CDC42SE2: variants seen among roughly 807,000 people sequenced by gnomAD.
The protein encoded by CDC42SE2 is CDC42 small effector 2, also known as CDC42 small effector protein 2.
A neutral mutation model predicts 11.5 loss-of-function variants in CDC42SE2; 3 were observed. The observed-to-expected ratio is 0.26, with a 90% CI of 0.12 to 0.67. The LOEUF (loss-of-function observed/expected upper bound fraction) is 0.67, where lower values mean the gene tolerates loss of function less well. Among genes scored for constraint, CDC42SE2 ranks in the 30% least tolerant of loss-of-function variants. The probability of loss-of-function intolerance (pLI) is 0.80; values close to 1 mark genes in which losing one functional copy is unlikely to be tolerated. For missense variants in CDC42SE2, 82 were observed against 106.8 expected (o/e 0.77, Z 1.02); for synonymous variants, 33 against 34.8 (o/e 0.95, Z 0.18).
chr5:131,334,207 ATC>A (rs1323038918), intron 2 of CDC42SE2, among the ~76,000 whole-genome samples: 1 of 152,200 alleles, frequency 6.6e-6, no homozygotes, highest in Non-Finnish European at 1.5e-5. Flanking sequence ...TCTTTTCTGC[ATC>A]TGTTGAGATA....
At chr5:131,334,608 G>A (rs1324033018) in intron 2 of CDC42SE2, among the ~76,000 whole-genome samples, 1 of 152,070 alleles carries the variant, frequency 6.6e-6, no homozygotes, top group Non-Finnish European at 1.5e-5. Flanking sequence ...ACTTTTTTTG[G>A]TTGGTAGGCT....
chr5:131,290,447 A>G (rs1432682353), intron 1 of CDC42SE2, among the ~76,000 whole-genome samples: 1 of 147,412 alleles, frequency 6.8e-6, no homozygotes, highest in Non-Finnish European at 1.5e-5. Flanking sequence ...GAGAAACTGT[A>G]TAACTGGCTG....
chr5:131,345,076 A>G (rs1758806541), intron 2 of CDC42SE2, among the ~76,000 whole-genome samples: 1 of 152,236 alleles, frequency 6.6e-6, no homozygotes. Context: ...GAAAATTCTA[A>G]AAATCAGAGC....
chr5:131,358,387 T>C (rs953307728), intron 2 of CDC42SE2, among the ~76,000 whole-genome samples: 2 of 152,152 alleles, frequency 1.3e-5, no homozygotes, highest in Non-Finnish European at 2.9e-5. Flanking sequence ...TTCCCACTTC[T>C]CTTTTGCCGC....
At chr5:131,345,191 A>G (rs1230838195) in intron 2 of CDC42SE2, among the ~76,000 whole-genome samples, 1 of 151,390 alleles carries the variant, frequency 6.6e-6, no homozygotes, top group African/African-American at 2.4e-5. Context: ...GATGATCGGT[A>G]ATAATAAACT....
chr5:131,289,354 G>A (rs1304571212), intron 1 of CDC42SE2, among the ~76,000 whole-genome samples: 1 of 152,176 alleles, frequency 6.6e-6, no homozygotes. Context: ...AAGACAGGTT[G>A]ATAAAGCAAG....
rs1401467609 is a variant in CDC42SE2, at chr5:131,393,898, G to GGACTT, written c.*2809_*2813dup. ...CAGATCTCCATGGTAAGCCAAAAGT[G>GGACTT]GACTTGTCAGCCTATAACTACTCTG... is the stretch of plus-strand genomic sequence containing the variant. On this transcript the variant is annotated 3_prime_UTR_variant, in exon 5 of 5. Transcript: ENST00000505065. The GGACTT allele has an allele frequency of 7.2e-6, 1 of 138,666 alleles. No individual in the cohort carries two copies. The highest frequency in any genetic ancestry group is 1.5e-5 in the Non-Finnish European group (1 of 66,240). The allele number at this position is 138,666 out of a possible 1,614,324, so 8.6% of individuals were successfully genotyped here.
At chr5:131,333,285 C>T (rs542905637) in intron 2 of CDC42SE2, among the ~76,000 whole-genome samples, 99 of 152,088 alleles carry the variant, frequency 6.5e-4, no homozygotes, top group African/African-American at 2.2e-3. Flanking sequence ...TGTAGATGTG[C>T]GGCATTATTT....
chr5:131,306,832 A>G (rs976478485), intron 1 of CDC42SE2, among the ~76,000 whole-genome samples: 7 of 152,090 alleles, frequency 4.6e-5, no homozygotes, highest in African/African-American at 1.4e-4. Context: ...AATCCTAAAT[A>G]TATATACTTT....
At chr5:131,222,665 G>T in the CDC42SE2 span, among the ~76,000 whole-genome samples, 1 of 152,180 alleles carries the variant, frequency 6.6e-6, no homozygotes, top group Non-Finnish European at 1.5e-5. Context: ...CTACAATCTT[G>T]TTTTGGCCTC....
At chr5:131,238,893 C>G in the CDC42SE2 span, among the ~76,000 whole-genome samples, 1 of 152,122 alleles carries the variant, frequency 6.6e-6, no homozygotes. Flanking sequence ...TTACACCGGG[C>G]ACGGCTGTAG....
chr5:131,211,775 AT>A, the CDC42SE2 span, among the ~76,000 whole-genome samples: 1 of 152,078 alleles, frequency 6.6e-6, no homozygotes, highest in Non-Finnish European at 1.5e-5. Context: ...TGAGCCCAGG[AT>A]TTCAAGACCA....
chr5:131,387,905 G>A (rs887791796), intron 4 of CDC42SE2, among the ~76,000 whole-genome samples: 4 of 152,126 alleles, frequency 2.6e-5, no homozygotes, highest in Non-Finnish European at 5.9e-5. Flanking sequence ...TAGTTATTTC[G>A]TATTTGAGTT....
At chr5:131,268,054 CTTTTT>C (rs148354795) in intron 1 of CDC42SE2, among the ~76,000 whole-genome samples, 4 of 65,476 alleles carry the variant, frequency 6.1e-5, no homozygotes, top group East Asian at 4.4e-4. Context: ...CATGCTTATT[CTTTTT>C]TTTTTTTTTT....
At chr5:131,227,902 C>T in the CDC42SE2 span, among the ~76,000 whole-genome samples, 11,417 of 151,870 alleles carry the variant, frequency 0.075, 899 homozygotes, top group African/African-American at 0.2. Flanking sequence ...AAAAATCATC[C>T]GGAGGCTGGG....
Position 131,359,546 on chromosome 5 carries a change from C to G in CDC42SE2, c.53C>G (p.Pro18Arg), listed in dbSNP as rs1374270571. Residue 18 changes from proline to arginine, a missense_variant and splice_region_variant, in exon 3 of 5, where the codon CCT becomes CGT. By Grantham distance (103) the Pro-to-Arg change is moderately radical (BLOSUM62 -2). Coordinates refer to ENST00000505065, the MANE Select transcript of CDC42SE2 (RefSeq NM_001375635.1). ...TGCTGTATTGCAGAACAGCCTCAGCCTGTAAGTATGAAGTATGTGGACACA... is the reference window on the plus strand; with the variant it reads ...TGCTGTATTGCAGAACAGCCTCAGCGTGTAAGTATGAAGTATGTGGACACA... ...FNCCIAEQPQ[P>R]KRRRRIDRSM... is the part of the protein sequence containing the mutation. 1.9e-6 allele frequency: 3 copies of G among 1,610,280 alleles called. No homozygotes were observed. In the East Asian group the frequency reaches 6.7e-5, roughly 36 times the overall value.
intron 2 of CDC42SE2, among the ~76,000 whole-genome samples, chr5:131,332,464 ATC>A (rs1758441895): frequency 6.6e-6 from 1 of 152,222 alleles, no homozygotes; most frequent in East Asian, 1.9e-4. Flanking sequence ...ATGATTTATA[ATC>A]CTTTGGGTAT....
At chr5:131,306,803 CA>C (rs1561578688) in intron 1 of CDC42SE2, among the ~76,000 whole-genome samples, 1 of 152,108 alleles carries the variant, frequency 6.6e-6, no homozygotes, top group Non-Finnish European at 1.5e-5. Flanking sequence ...ACAGATCTTT[CA>C]CCTCCTTGGT....
chr5:131,388,158 C>G (rs1380388617), intron 4 of CDC42SE2, among the ~76,000 whole-genome samples: 1 of 152,146 alleles, frequency 6.6e-6, no homozygotes, highest in African/African-American at 2.4e-5. Context: ...CCATGCCTGG[C>G]TAATTTTTTG....
Sources: gnomAD v4.1 joint callset for allele counts (sites outside exome capture counted in the v4.1 genomes callset) on GRCh38, gnomAD v4.1.1 for gene constraint, MANE v1.5 for transcripts, NCBI Gene and HGNC (gene_info 2026-07-23, HGNC 2026-07-21) for gene names.